Variants in RABGAP1L observed in about 807,000 individuals in gnomAD.
RABGAP1L encodes RAB GTPase activating protein 1 like, also known as rab GTPase-activating protein 1-like.
Under a neutral mutation model 137.7 loss-of-function variants are expected in RABGAP1L, and 63 were observed. The ratio of observed to expected loss-of-function variants is 0.46; its 90% CI spans 0.37 to 0.56. The LOEUF is 0.56. RABGAP1L is among the 20% of genes least tolerant of loss of function. The pLI is 0.00. For synonymous variants in RABGAP1L, 431 were observed against 433.7 expected (o/e 0.99, Z 0.08); for missense variants, 1,095 against 1,244.0 (o/e 0.88, Z 1.80).
rs986788059 is a variant in RABGAP1L, at chr1:174,612,702, G to C, written c.1711-24673G>C. 5.3e-5 allele frequency among the ~76,000 whole-genome samples: 8 copies of C among 152,246 alleles called. No individual in the cohort carries two copies. In the South Asian group the frequency reaches 1.7e-3, roughly 32 times the overall value. On this transcript the variant is annotated intron_variant, in intron 13 of 25. Transcript: ENST00000681986. ...ATCTGGTCCTGGACTCTTTTTGATT[G>C]GTAAGCTATTGATTATTGCCACAAT...
At chr1:174,901,130 T>G (rs1434420767) in intron 19 of RABGAP1L, among the ~76,000 whole-genome samples, 4 of 152,210 alleles carry the variant, frequency 2.6e-5, no homozygotes, top group South Asian at 2.1e-4. Context: ...CATGTTGTGT[T>G]TTACAGCTCC....
chr1:174,614,898 G>A (rs893956400), intron 13 of RABGAP1L, among the ~76,000 whole-genome samples: 4 of 151,970 alleles, frequency 2.6e-5, no homozygotes, highest in Non-Finnish European at 5.9e-5. Context: ...CATTCTTCAC[G>A]TAGTTCTCGA....
At chr1:174,167,849 T>C (rs1054322736) in intron 1 of RABGAP1L, among the ~76,000 whole-genome samples, 1 of 152,216 alleles carries the variant, frequency 6.6e-6, no homozygotes, top group Non-Finnish European at 1.5e-5. Context: ...TTTCTGTGCT[T>C]CAAGATGTCG....
intron 14 of RABGAP1L, among the ~76,000 whole-genome samples, chr1:174,657,288 A>G (rs1029856453): frequency 6.6e-6 from 1 of 152,120 alleles, no homozygotes; most frequent in Non-Finnish European, 1.5e-5. Flanking sequence ...AGCTATTTGA[A>G]ACTATTATTG....
intron 19 of RABGAP1L, among the ~76,000 whole-genome samples, chr1:174,870,825 C>T (rs1317618366): frequency 6.6e-6 from 1 of 151,502 alleles, no homozygotes; most frequent in Non-Finnish European, 1.5e-5. Context: ...GCAAGCTCCA[C>T]CTTCCAGGCT....
At chr1:174,585,732 C>G (rs1669064134) in intron 13 of RABGAP1L, among the ~76,000 whole-genome samples, 1 of 152,104 alleles carries the variant, frequency 6.6e-6, no homozygotes, top group African/African-American at 2.4e-5. Flanking sequence ...ATAAGTCCAC[C>G]CTGGAGTGGT....
In RABGAP1L at chr1:174,370,966, G is replaced by T; in HGVS notation, c.1466-13G>T. ...TAAAATAATGTTTGTTGGTTTTTGC[G>T]TTTCTTCTGCAGAGAGTGATAATGA... On this transcript the variant is annotated splice_polypyrimidine_tract_variant and intron_variant, in intron 11 of 25. Coordinates refer to ENST00000681986, the MANE Select transcript of RABGAP1L (RefSeq NM_001366446.1). The T allele has an allele frequency of 7.1e-7, 1 of 1,411,608 alleles. No homozygotes were observed. Among genetic ancestry groups the T allele is most frequent in the Non-Finnish European group, 9.6e-7 (1 of 1,043,568 alleles). 87.4% of individuals were successfully genotyped at this position (1,411,608 alleles called of 1,614,324 possible).
At position 174,229,975 on chromosome 1, in the gene RABGAP1L, G is replaced by T. The variant is rs913469602; in HGVS notation, c.332-1170G>T. Among the ~76,000 whole-genome samples the T allele has an allele frequency of 2.6e-4, 40 of 152,066 alleles. 1 individual carries two copies. Among genetic ancestry groups the T allele is most frequent in the Non-Finnish European group, 1.0e-4 (7 of 68,038 alleles). On this transcript the variant is annotated intron_variant, in intron 3 of 25. Coordinates refer to ENST00000681986, the MANE Select transcript of RABGAP1L (RefSeq NM_001366446.1). ...ATCACCATTCTAACTGGTGTGAGAT[G>T]GTATCTCATTGTGGAACCAACCCAA... is the stretch of plus-strand genomic sequence containing the variant.
chr1:174,238,846 G>A (rs1671487232), intron 4 of RABGAP1L: 1 of 153,808 alleles, frequency 6.5e-6, no homozygotes, highest in South Asian at 2.0e-4. Context: ...CCTGGGCAAT[G>A]GCGGGCGCCC....
intron 13 of RABGAP1L, among the ~76,000 whole-genome samples, chr1:174,505,112 T>G (rs1661694397): frequency 6.6e-6 from 1 of 152,170 alleles, no homozygotes. Flanking sequence ...AAAAAAATGT[T>G]CAGTGCTATA....
chr1:174,775,313 ACTTTTTTTTTTT>A (rs947119408), intron 18 of RABGAP1L, among the ~76,000 whole-genome samples: 74 of 108,406 alleles, frequency 6.8e-4, no homozygotes, highest in African/African-American at 1.9e-3. Flanking sequence ...CCAGGAGAAA[ACTTTTTTTTTTT>A]TTTTTGAGAC....
intron 19 of RABGAP1L, among the ~76,000 whole-genome samples, chr1:174,858,641 A>G (rs1236023697): frequency 6.6e-6 from 1 of 152,198 alleles, no homozygotes; most frequent in Admixed American, 6.5e-5. Context: ...TGAAAATAAA[A>G]TGAAGGTCAT....
chr1:174,349,598 C>T (rs1682864475), intron 11 of RABGAP1L, among the ~76,000 whole-genome samples: 2 of 142,124 alleles, frequency 1.4e-5, no homozygotes, highest in African/African-American at 5.1e-5. Context: ...ACCCCCCCCA[C>T]CTCCCTCCCG....
chr1:174,705,883 A>G (rs1680006748), intron 17 of RABGAP1L: 1 of 152,114 alleles, frequency 6.6e-6, no homozygotes, highest in African/African-American at 2.4e-5. Context: ...ATCCATAGGT[A>G]TTTGTTTTTG....
At chr1:174,548,353 A>C in intron 13 of RABGAP1L, 1 of 1,085,782 alleles carries the variant, frequency 9.2e-7, no homozygotes, top group Non-Finnish European at 1.1e-6. Flanking sequence ...GTGCTCTATT[A>C]CCCTTACTTT....
intron 11 of RABGAP1L, among the ~76,000 whole-genome samples, chr1:174,349,059 C>T (rs1196028224): frequency 7.1e-6 from 1 of 140,486 alleles, no homozygotes; most frequent in Admixed American, 6.9e-5. Context: ...GGGGGGCTGA[C>T]CCCCCCCACC....
intron 11 of RABGAP1L, among the ~76,000 whole-genome samples, chr1:174,348,337 T>C (rs1682648321): frequency 6.8e-6 from 1 of 148,036 alleles, no homozygotes; most frequent in African/African-American, 2.5e-5. Context: ...GTGATTACTT[T>C]TGCACCAACC....
chr1:174,924,282 G>A (rs1022887886), intron 19 of RABGAP1L, among the ~76,000 whole-genome samples: 2 of 151,490 alleles, frequency 1.3e-5, no homozygotes, highest in African/African-American at 4.9e-5. Context: ...AGCTACTTGG[G>A]AGGCTGAGGC....
At chr1:174,292,101 G>A (rs984559405) in intron 10 of RABGAP1L, among the ~76,000 whole-genome samples, 9 of 149,230 alleles carry the variant, frequency 6.0e-5, no homozygotes, top group Admixed American at 1.3e-4. Flanking sequence ...GCAGTGGCAC[G>A]ACCATAGTTC....
Sources: allele counts gnomAD v4.1 joint callset (sites outside exome capture counted in the v4.1 genomes callset), GRCh38; gene constraint gnomAD v4.1.1; transcripts MANE v1.5; gene names NCBI Gene and HGNC (gene_info 2026-07-23, HGNC 2026-07-21).